Variants in ZNF608 observed in about 807,000 individuals in gnomAD.
ZNF608 encodes zinc finger protein 608, also known as renal carcinoma antigen NY-REN-36.
ZNF608 carries 12 observed loss-of-function variants against 109.0 expected under a neutral mutation model. The observed-to-expected ratio is 0.11, with a 90% CI of 0.07 to 0.18. The LOEUF is 0.18. Ranked by LOEUF, ZNF608 falls within the 10% of genes least tolerant of loss-of-function variation. The probability of loss-of-function intolerance (pLI) is 1.00; values close to 1 mark genes in which losing one functional copy is unlikely to be tolerated. For missense variants in ZNF608, 1,707 were observed against 1,879.3 expected (o/e 0.91, Z 1.70); for synonymous variants, 732 against 717.4 (o/e 1.02, Z -0.33).
At chr5:124,738,438 G>A (rs1196570077) in intron 2 of ZNF608, among the ~76,000 whole-genome samples, 2 of 152,230 alleles carry the variant, frequency 1.3e-5, no homozygotes, top group Non-Finnish European at 2.9e-5. Context: ...AGTTCAGAGT[G>A]CTGGCAATCA....
At chr5:124,676,478 G>T (rs563738414) in intron 3 of ZNF608, among the ~76,000 whole-genome samples, 1 of 152,236 alleles carries the variant, frequency 6.6e-6, no homozygotes, top group East Asian at 1.9e-4. Flanking sequence ...TTACACTATT[G>T]TGTAAATATG....
At chr5:124,678,564 T>C (rs900192792) in intron 3 of ZNF608, among the ~76,000 whole-genome samples, 1 of 152,204 alleles carries the variant, frequency 6.6e-6, no homozygotes, top group South Asian at 2.1e-4. Flanking sequence ...GCCATTCCGT[T>C]CCCATGCTCA....
At chr5:124,741,023 T>C (rs1445129081) in intron 2 of ZNF608, among the ~76,000 whole-genome samples, 2 of 152,114 alleles carry the variant, frequency 1.3e-5, no homozygotes, top group African/African-American at 4.8e-5. Context: ...GAGGGGAAGG[T>C]GGAGAGGCAG....
intron 2 of ZNF608, among the ~76,000 whole-genome samples, chr5:124,706,414 C>T (rs1753261841): frequency 1.3e-5 from 2 of 152,098 alleles, no homozygotes; most frequent in African/African-American, 4.8e-5. Flanking sequence ...GACCTGAAAT[C>T]GATAGGTGGT....
At chr5:124,643,456 T>C (rs1750339965) in intron 7 of ZNF608, 55 bp downstream of exon 7, 15 of 1,550,608 alleles carry the variant, frequency 9.7e-6, no homozygotes, top group Admixed American at 6.8e-5. Flanking sequence ...CTCTAGCTTG[T>C]TCCCCTTTCT....
intron 2 of ZNF608, among the ~76,000 whole-genome samples, chr5:124,737,497 G>C (rs1367010705): frequency 6.6e-6 from 1 of 152,104 alleles, no homozygotes; most frequent in South Asian, 2.1e-4. Flanking sequence ...TTTCCTTTGA[G>C]TTCTTTATTA....
rs7708070 is a variant in ZNF608, at chr5:124,649,070, C to G, written c.1314G>C (p.Ala438=). The G allele has an allele frequency of 1.9e-6, 3 of 1,613,528 alleles. No individual in the cohort carries two copies. Among genetic ancestry groups the G allele is most frequent in the Non-Finnish European group, 2.5e-6 (3 of 1,179,846 alleles). ...MRGGRGRGKR[A]RSAAAAPGSE... is the part of the protein sequence containing the mutation. ...AGCCCGGGGCAGCAGCAGCAGACCT[C>G]GCTCTCTTCCCTCTGCCCCGGCCCC... Residue 438 remains alanine, a synonymous_variant, in exon 5 of 10, where the codon GCG becomes GCC. Transcript: ENST00000513986.
At position 124,744,168 on chromosome 5, in the gene ZNF608, C is replaced by A. The variant is rs1462658657; in HGVS notation, c.822G>T (p.Gly274=). The A allele has an allele frequency of 4.3e-6, 7 of 1,613,498 alleles. No individual in the cohort carries two copies. In the African/African-American group the frequency reaches 9.3e-5, roughly 22 times the overall value. The change falls in exon 2 of 10, where the codon GGG becomes GGT. Residue 274 remains glycine, a synonymous_variant. Coordinates refer to ENST00000513986, the MANE Select transcript of ZNF608 (RefSeq NM_020747.3). The surrounding 1 kb of genome is among the most constrained non-coding windows in gnomAD (Gnocchi z 4.5). ...GEVSKSAPDS[G]LMGNSMLVKK... is the part of the protein sequence containing the mutation. ...TTACCAACATAGAGTTTCCCATGAG[C>A]CCTGAATCCGGGGCACTTTTGCTAA...
chr5:124,696,378 T>G (rs1404291325), intron 3 of ZNF608, among the ~76,000 whole-genome samples: 1 of 152,214 alleles, frequency 6.6e-6, no homozygotes, highest in Non-Finnish European at 1.5e-5. Flanking sequence ...GTAGTCACTA[T>G]CATAAGTTGC....
chr5:124,707,640 T>TAGAA (rs1233054788), intron 2 of ZNF608, among the ~76,000 whole-genome samples: 1 of 152,162 alleles, frequency 6.6e-6, no homozygotes, highest in Non-Finnish European at 1.5e-5. Context: ...TAAAAAGCAT[T>TAGAA]AGAAAGAGAC....
At chr5:124,738,879 G>C (rs1424709270) in intron 2 of ZNF608, among the ~76,000 whole-genome samples, 1 of 152,174 alleles carries the variant, frequency 6.6e-6, no homozygotes, top group African/African-American at 2.4e-5. Context: ...AGGCAGCCTA[G>C]AGCTGCCACC....
At chr5:124,651,398 G>A (rs1750765963) in intron 3 of ZNF608, among the ~76,000 whole-genome samples, 1 of 152,184 alleles carries the variant, frequency 6.6e-6, no homozygotes, top group Non-Finnish European at 1.5e-5. Context: ...ACTGTGTGTG[G>A]TGTCAAAGAC....
At position 124,647,865 on chromosome 5, in the gene ZNF608, T is replaced by C. The variant is rs762239449; in HGVS notation, c.2519A>G (p.Glu840Gly). ...ATCTTTGCTGGCCCCCTTGGAGTCC[T>C]CTAGTTTCCCCAGCTTGGCATCCAT... ...PKMDAKLGKLEDSKGASKDLP... is the reference protein window; with the variant it reads ...PKMDAKLGKLGDSKGASKDLP... Residue 840 changes from glutamate to glycine, a missense_variant, in exon 5 of 10, where the codon GAG becomes GGG. Physicochemically the swap from Glu to Gly is moderately conservative, Grantham distance 98. Around this residue, in one of 7 missense-constraint regions of ZNF608, gnomAD observed 1,073 missense variants for 1,133.5 expected, o/e 0.95. Coordinates refer to ENST00000513986, the MANE Select transcript of ZNF608 (RefSeq NM_020747.3). 1.9e-6 allele frequency: 3 copies of C among 1,614,244 alleles called. No individual in the cohort carries two copies. Among genetic ancestry groups the C allele is most frequent in the Non-Finnish European group, 2.5e-6 (3 of 1,180,036 alleles).
chr5:124,733,217 CTTTT>C (rs67421322), intron 2 of ZNF608, among the ~76,000 whole-genome samples: 13 of 117,582 alleles, frequency 1.1e-4, no homozygotes, highest in East Asian at 4.9e-4. Flanking sequence ...ATCTCTCTCT[CTTTT>C]TTTTTTTTTT....
intron 3 of ZNF608, among the ~76,000 whole-genome samples, chr5:124,683,619 G>A (rs1752290268): frequency 6.6e-6 from 1 of 152,210 alleles, no homozygotes; most frequent in Non-Finnish European, 1.5e-5. Flanking sequence ...TGGGTGAAGG[G>A]AAAGGTGAAA....
intron 2 of ZNF608, among the ~76,000 whole-genome samples, chr5:124,709,463 T>C (rs1753404469): frequency 6.6e-6 from 1 of 152,350 alleles, no homozygotes; most frequent in Non-Finnish European, 1.5e-5. Context: ...TAAATTTCTT[T>C]TGTTATGAAG....
chr5:124,709,170 CAAAAAA>C (rs1156276798), intron 2 of ZNF608, among the ~76,000 whole-genome samples: 120 of 32,706 alleles, frequency 3.7e-3, no homozygotes, highest in African/African-American at 0.013. Flanking sequence ...GACTCTGTCT[CAAAAAA>C]AAAAAAAAAA....
At chr5:124,679,819 G>A (rs770889917) in intron 3 of ZNF608, among the ~76,000 whole-genome samples, 16 of 152,192 alleles carry the variant, frequency 1.1e-4, no homozygotes, top group Admixed American at 2.6e-4. Context: ...TTGGTTTTAA[G>A]GAGGTGTCTT....
chr5:124,746,886 A>C (rs972565053), upstream of ZNF608: 55 of 545,958 alleles, frequency 1.0e-4, 1 homozygote, highest in Non-Finnish European at 1.2e-4. Flanking sequence ...GTGGAGGAGG[A>C]GACAGCAGAT....
Sources: gnomAD v4.1 joint callset for allele counts (sites outside exome capture counted in the v4.1 genomes callset) on GRCh38, gnomAD v4.1.1 for gene constraint, gnomAD v4.1.1 regional missense constraint, Gnocchi (gnomAD v3.1) non-coding constraint, MANE v1.5 for transcripts, NCBI Gene and HGNC (gene_info 2026-07-23, HGNC 2026-07-21) for gene names.